Variants in MAGI1 observed in about 807,000 individuals in gnomAD.
The protein encoded by MAGI1 is membrane associated guanylate kinase, WW and PDZ domain containing 1, also known as membrane-associated guanylate kinase, WW and PDZ domain-containing protein 1.
MAGI1 carries 58 observed loss-of-function variants against 139.9 expected under a neutral mutation model. That is an observed-to-expected ratio of 0.41 (90% CI 0.34 to 0.52). The LOEUF is 0.52. MAGI1 is among the 20% of genes least tolerant of loss of function. MAGI1 has a pLI of 0.12. For missense variants in MAGI1, 1,874 were observed against 1,901.6 expected, an observed-to-expected ratio of 0.99 and a Z score of 0.27; for synonymous variants, 812 against 737.9, an observed-to-expected ratio of 1.10 and a Z score of -1.63.
chr3:65,516,601 C>A (rs2077892106), intron 2 of MAGI1, among the ~76,000 whole-genome samples: 2 of 152,090 alleles, frequency 1.3e-5, no homozygotes, highest in East Asian at 1.9e-4. Context: ...ATGTCAGGCA[C>A]TGCAAGTACT....
intron 1 of MAGI1, among the ~76,000 whole-genome samples, chr3:65,643,777 A>G (rs1465537979): frequency 2.6e-5 from 4 of 152,172 alleles, no homozygotes; most frequent in Non-Finnish European, 5.9e-5. Context: ...TCAGCCAAAT[A>G]CCACAGGAAA....
chr3:65,545,854 T>C (rs1386297935), intron 2 of MAGI1, among the ~76,000 whole-genome samples: 1 of 152,046 alleles, frequency 6.6e-6, no homozygotes, highest in Admixed American at 6.6e-5. Context: ...AGCCTGTATG[T>C]AGTAAACGGG....
intron 3 of MAGI1, among the ~76,000 whole-genome samples, chr3:65,491,362 A>G (rs1027775846): frequency 2.6e-5 from 4 of 152,136 alleles, no homozygotes; most frequent in African/African-American, 9.7e-5. Flanking sequence ...CCACCTATAT[A>G]TCATTTGTTC....
intron 1 of MAGI1, among the ~76,000 whole-genome samples, chr3:65,751,307 T>A (rs547410396): frequency 6.6e-6 from 1 of 152,152 alleles, no homozygotes; most frequent in East Asian, 1.9e-4. Context: ...TGCTGGGCAA[T>A]GGTGCACTGA....
intron 1 of MAGI1, among the ~76,000 whole-genome samples, chr3:65,711,428 A>C (rs1218633958): frequency 6.6e-6 from 1 of 152,198 alleles, no homozygotes; most frequent in Non-Finnish European, 1.5e-5. Flanking sequence ...GATAATTCAA[A>C]ACTCCAAAAT....
intron 7 of MAGI1, 134 bp from the exon 8 acceptor site, chr3:65,442,983 A>G (rs1179387067): frequency 1.9e-6 from 1 of 527,932 alleles, no homozygotes; most frequent in Non-Finnish European, 3.3e-6. Context: ...GTATATCCTA[A>G]CCAAAAAAAA....
rs189023696 is a variant in MAGI1, at chr3:65,767,549, T to C, written c.314-145461A>G. Among the ~76,000 whole-genome samples, 417 of 152,356 alleles carry C rather than the reference T, an allele frequency of 2.7e-3. 3 individuals carry two copies. The highest frequency in any genetic ancestry group is 9.7e-3 in the African/African-American group (402 of 41,580). ...AAATTGGAGAATAGTTTTATAGTAT[T>C]TAGAAAGCTCAAAGACATTCATCCT... is the stretch of plus-strand genomic sequence containing the variant. On this transcript the variant is annotated intron_variant, in intron 1 of 22. Transcript: ENST00000402939.
At chr3:65,794,043 A>T (rs750726732) in intron 1 of MAGI1, among the ~76,000 whole-genome samples, 5 of 151,982 alleles carry the variant, frequency 3.3e-5, no homozygotes, top group Non-Finnish European at 7.4e-5. Flanking sequence ...TCTGTGATTT[A>T]TTGCGCTACC....
At chr3:65,619,758 G>A in intron 2 of MAGI1, 2 of 656,340 alleles carry the variant, frequency 3.0e-6, no homozygotes, top group Non-Finnish European at 1.9e-6. Context: ...GTCTACTCAT[G>A]TTCAAAGGCA....
At chr3:65,720,825 C>A (rs1362850590) in intron 1 of MAGI1, among the ~76,000 whole-genome samples, 1 of 152,102 alleles carries the variant, frequency 6.6e-6, no homozygotes, top group Non-Finnish European at 1.5e-5. Flanking sequence ...TCTCAGCTCA[C>A]TGCAACCTCC....
chr3:65,427,660 A>G (rs1207875274), intron 12 of MAGI1, among the ~76,000 whole-genome samples: 3 of 152,184 alleles, frequency 2.0e-5, no homozygotes, highest in African/African-American at 7.2e-5. Context: ...TATTCAGTTA[A>G]GTAGGGCAGA....
intron 2 of MAGI1, chr3:65,597,674 C>T (rs1454176842): frequency 2.2e-6 from 1 of 456,482 alleles, no homozygotes; most frequent in Non-Finnish European, 4.4e-6. Flanking sequence ...ACAACCCAAG[C>T]TCAAACCTCC....
intron 2 of MAGI1, among the ~76,000 whole-genome samples, chr3:65,495,418 G>A (rs559141787): frequency 6.6e-6 from 1 of 152,196 alleles, no homozygotes; most frequent in South Asian, 2.1e-4. Context: ...ATAATAATCT[G>A]TTATTATATA....
chr3:65,552,584 G>C (rs1489094223), intron 2 of MAGI1, among the ~76,000 whole-genome samples: 2 of 152,072 alleles, frequency 1.3e-5, no homozygotes, highest in Non-Finnish European at 2.9e-5. Flanking sequence ...AATGCAACTG[G>C]GGACAAGAAA....
intron 1 of MAGI1, among the ~76,000 whole-genome samples, chr3:65,950,413 G>C (rs973179178): frequency 6.6e-6 from 1 of 151,922 alleles, no homozygotes; most frequent in Admixed American, 6.6e-5. Flanking sequence ...GGCCCCAAAA[G>C]ACTAAAAGCC....
intron 12 of MAGI1, among the ~76,000 whole-genome samples, chr3:65,406,195 C>A (rs1945327238): frequency 6.6e-6 from 1 of 151,974 alleles, no homozygotes; most frequent in South Asian, 2.1e-4. Context: ...AGGACCTGTG[C>A]TTGTCCTACT....
intron 2 of MAGI1, among the ~76,000 whole-genome samples, chr3:65,502,948 G>A (rs1238278498): frequency 6.6e-6 from 1 of 152,006 alleles, no homozygotes; most frequent in South Asian, 2.1e-4. Context: ...GGAGAGAGGG[G>A]GTAAAAATCC....
At chr3:65,614,189 G>A (rs2083259844) in intron 2 of MAGI1, among the ~76,000 whole-genome samples, 1 of 152,136 alleles carries the variant, frequency 6.6e-6, no homozygotes, top group Non-Finnish European at 1.5e-5. Context: ...TGACACACAG[G>A]GGCAGGGCAT....
chr3:65,700,192 C>T (rs2089499669), intron 1 of MAGI1, among the ~76,000 whole-genome samples: 1 of 152,110 alleles, frequency 6.6e-6, no homozygotes. Context: ...GTCTGTAATT[C>T]CAGCATTTTG....
Sources: allele counts gnomAD v4.1 joint callset (sites outside exome capture counted in the v4.1 genomes callset), GRCh38; gene constraint gnomAD v4.1.1; transcripts MANE v1.5; gene names NCBI Gene and HGNC (gene_info 2026-07-23, HGNC 2026-07-21).